PDE6A: variants seen among roughly 807,000 people sequenced by gnomAD.
PDE6A encodes phosphodiesterase 6A.
PDE6A carries 84 observed loss-of-function variants against 106.3 expected under a neutral mutation model. The observed-to-expected ratio is 0.79, with a 90% CI of 0.66 to 0.95. The LOEUF (loss-of-function observed/expected upper bound fraction) is 0.95, where lower values mean the gene tolerates loss of function less well. PDE6A is among the 40% of genes least tolerant of loss of function. The probability of loss-of-function intolerance (pLI) is 0.00; values close to 1 mark genes in which losing one functional copy is unlikely to be tolerated. For missense variants in PDE6A, 1,052 were observed against 1,084.9 expected (o/e 0.97, Z 0.43); for synonymous variants, 394 against 386.6 (o/e 1.02, Z -0.23).
intron 13 of PDE6A, among the ~76,000 whole-genome samples, chr5:149,886,739 T>C (rs1018701176): frequency 2.6e-5 from 4 of 152,186 alleles, no homozygotes; most frequent in African/African-American, 9.7e-5. Context: ...GTTTTAGGAT[T>C]TGGAGAGTTT....
chr5:149,868,661 T>G (rs1223143673), intron 17 of PDE6A, among the ~76,000 whole-genome samples: 1 of 152,204 alleles, frequency 6.6e-6, no homozygotes, highest in African/African-American at 2.4e-5. Flanking sequence ...TCATCATTGT[T>G]CCCTGCCCCA....
At chr5:149,925,611 GCATGAGAAT>G (rs1417111382) in intron 4 of PDE6A, among the ~76,000 whole-genome samples, 1 of 150,786 alleles carries the variant, frequency 6.6e-6, no homozygotes, top group Non-Finnish European at 1.5e-5. Context: ...GGAGGCTGAG[GCATGAGAAT>G]CTCTTGAACC....
chr5:149,898,260 C>T, intron 10 of PDE6A, 103 bp downstream of exon 10: 1 of 1,009,032 alleles, frequency 9.9e-7, no homozygotes, highest in East Asian at 2.4e-5. Flanking sequence ...CAAACCCATG[C>T]CCAGGCTGTG....
chr5:149,865,098 G>A (rs534279673), intron 20 of PDE6A, among the ~76,000 whole-genome samples: 3 of 152,036 alleles, frequency 2.0e-5, no homozygotes, highest in Admixed American at 6.6e-5. Flanking sequence ...AAATTAGCCC[G>A]GTGTGGTGGC....
chr5:149,934,754 T>G, intron 1 of PDE6A, 36 bp from the exon 2 acceptor site: 1 of 1,611,542 alleles, frequency 6.2e-7, no homozygotes, highest in South Asian at 1.1e-5. Flanking sequence ...GACAGGCAAA[T>G]GAAGAGCAAG....
intron 4 of PDE6A, among the ~76,000 whole-genome samples, chr5:149,926,470 A>C (rs2113649064): frequency 6.6e-6 from 1 of 152,302 alleles, no homozygotes; most frequent in South Asian, 2.1e-4. Context: ...CTTCACACTA[A>C]ACATAAAAAA....
intron 13 of PDE6A, among the ~76,000 whole-genome samples, chr5:149,894,629 ATTTT>A (rs10657525): frequency 8.8e-6 from 1 of 113,048 alleles, no homozygotes; most frequent in African/African-American, 3.6e-5. Flanking sequence ...GAACTGTTGA[ATTTT>A]TTTTTTTTTT....
At chr5:149,939,589 T>C (rs1295781319) in intron 1 of PDE6A, among the ~76,000 whole-genome samples, 1 of 152,190 alleles carries the variant, frequency 6.6e-6, no homozygotes, top group Non-Finnish European at 1.5e-5. Flanking sequence ...ATAGGAGCCA[T>C]TACGGTGTGC....
chr5:149,893,588 G>A (rs1177517053), intron 13 of PDE6A, among the ~76,000 whole-genome samples: 1 of 152,198 alleles, frequency 6.6e-6, no homozygotes, highest in East Asian at 1.9e-4. Context: ...CTTGTAGGAT[G>A]TCACTGGATT....
chr5:149,944,078 A>G, intron 1 of PDE6A, 122 bp downstream of exon 1: 1 of 731,758 alleles, frequency 1.4e-6, no homozygotes, highest in Non-Finnish European at 2.4e-6. Context: ...GTAAATAAAT[A>G]AAGAAGAAGC....
rs556599162 is a variant in PDE6A, at chr5:149,938,541, G to T, written c.475-3823C>A. Among the ~76,000 whole-genome samples, 10 of 152,296 alleles carry T rather than the reference G, an allele frequency of 6.6e-5. No individual in the cohort carries two copies. The South Asian group carries it at 1.9e-3, about 28-fold the overall frequency. ...CCAGGGGCCAGTGGTGAATAAGATC[G>T]ACAGGGACAGACAGACAGACCTCAT... On this transcript the variant is annotated intron_variant, in intron 1 of 21. Coordinates refer to ENST00000255266, the MANE Select transcript of PDE6A (RefSeq NM_000440.3).
At chr5:149,940,505 C>CTTTTTTTTTTTTTTT (rs56930344) in intron 1 of PDE6A, among the ~76,000 whole-genome samples, 11 of 142,008 alleles carry the variant, frequency 7.7e-5, no homozygotes, top group Admixed American at 2.9e-4. Context: ...TGTTTGAATC[C>CTTTTTTTTTTTTTTT]TTTTTTTTTT....
intron 1 of PDE6A, among the ~76,000 whole-genome samples, chr5:149,941,579 C>T (rs761935366): frequency 1.3e-5 from 2 of 152,150 alleles, no homozygotes; most frequent in Non-Finnish European, 2.9e-5. Context: ...ATTGTGCCTC[C>T]GCATGTAAAG....
intron 6 of PDE6A, among the ~76,000 whole-genome samples, chr5:149,912,480 T>C (rs191229795): frequency 3.3e-5 from 5 of 152,356 alleles, no homozygotes; most frequent in Admixed American, 3.3e-4. Flanking sequence ...TGTGGCCATG[T>C]AACTAGCTTT....
At chr5:149,923,564 ATAACATAACATAACAAAC>A (rs1193357652) in intron 4 of PDE6A, among the ~76,000 whole-genome samples, 10 of 106,000 alleles carry the variant, frequency 9.4e-5, no homozygotes, top group South Asian at 3.0e-4. Context: ...ATAACATAAC[ATAACATAACATAACAAAC>A]AACAACACTA....
chr5:149,925,646 G>A (rs947258731), intron 4 of PDE6A, among the ~76,000 whole-genome samples: 2 of 147,570 alleles, frequency 1.4e-5, no homozygotes, highest in East Asian at 4.0e-4. Flanking sequence ...GGCGGAGGTT[G>A]CAGTGAGCCA....
chr5:149,893,562 T>G (rs1007984924), intron 13 of PDE6A, among the ~76,000 whole-genome samples: 4 of 152,180 alleles, frequency 2.6e-5, no homozygotes, highest in Non-Finnish European at 5.9e-5. Context: ...ACTACCTATG[T>G]GGGTATGAGT....
Position 149,883,425 on chromosome 5 carries a change from T to G in PDE6A, c.2135+4A>C. ...GATCAGGTTTTAACCCCATCCCAAC[T>G]CACATAACGATTTCCTTCCGTGTCT... is the stretch of plus-strand genomic sequence containing the variant. On this transcript the variant is annotated splice_donor_region_variant and intron_variant, in intron 17 of 21. Transcript: ENST00000255266. The G allele has an allele frequency of 6.3e-7, 1 of 1,597,790 alleles. No individual in the cohort carries two copies. Among genetic ancestry groups the G allele is most frequent in the Non-Finnish European group, 8.6e-7 (1 of 1,165,018 alleles).
At chr5:149,901,431 A>G (rs572565271) in intron 8 of PDE6A, among the ~76,000 whole-genome samples, 20 of 152,228 alleles carry the variant, frequency 1.3e-4, no homozygotes, top group African/African-American at 4.8e-4. Context: ...AGGAGGCTGA[A>G]GCAGCAGAAT....
Sources: gnomAD v4.1 joint callset for allele counts (sites outside exome capture counted in the v4.1 genomes callset) on GRCh38, gnomAD v4.1.1 for gene constraint, MANE v1.5 for transcripts, NCBI Gene and HGNC (gene_info 2026-07-23, HGNC 2026-07-21) for gene names.